The following COL21A1 variants were observed in gnomAD, a reference collection of about 807,000 sequenced individuals.
COL21A1 encodes the protein collagen type XXI alpha 1 chain.
Under a neutral mutation model 137.9 loss-of-function variants are expected in COL21A1, and 149 were observed. The ratio of observed to expected loss-of-function variants is 1.08; its 90% CI spans 0.95 to 1.24. The LOEUF is 1.24. COL21A1 is among the 50% of genes most tolerant of loss of function. The pLI is 0.00. For synonymous variants in COL21A1, 456 were observed against 391.5 expected, an observed-to-expected ratio of 1.16 and a Z score of -1.95; for missense variants, 1,167 against 1,158.4, an observed-to-expected ratio of 1.01 and a Z score of -0.11.
intron 12 of COL21A1, among the ~76,000 whole-genome samples, chr6:56,127,863 ATT>A (rs1773174774): frequency 6.6e-6 from 1 of 152,154 alleles, no homozygotes; most frequent in Non-Finnish European, 1.5e-5. Context: ...GTATTATGCT[ATT>A]ATACACTGGT....
chr6:56,098,688 A>T (rs183386431), intron 17 of COL21A1, among the ~76,000 whole-genome samples: 8 of 38,000 alleles, frequency 2.1e-4, no homozygotes, highest in South Asian at 6.1e-4. Context: ...AATATATATA[A>T]ATATATAAAT....
chr6:56,212,311 T>C (rs1582654357), intron 1 of COL21A1, among the ~76,000 whole-genome samples: 1 of 152,142 alleles, frequency 6.6e-6, no homozygotes, highest in East Asian at 1.9e-4. Context: ...TGATACATAT[T>C]ATTTAATGTT....
intron 1 of COL21A1, among the ~76,000 whole-genome samples, chr6:56,308,958 C>T (rs1291765014): frequency 6.6e-6 from 1 of 152,036 alleles, no homozygotes; most frequent in Admixed American, 6.5e-5. Context: ...CTATCATAGT[C>T]AGGATGGAGG....
chr6:56,176,916 G>A (rs534003761), intron 3 of COL21A1, among the ~76,000 whole-genome samples: 2 of 137,100 alleles, frequency 1.5e-5, no homozygotes, highest in South Asian at 5.3e-4. Flanking sequence ...GGGAGGAAGG[G>A]GGAGGAAGGG....
chr6:56,179,778 G>A lies in COL21A1; in HGVS notation c.440C>T (p.Ser147Phe), dbSNP rs1777758373. The change falls in exon 3 of 30, where the codon TCC becomes TTC. Residue 147 changes from serine to phenylalanine, a missense_variant. Ser to Phe is a radical substitution (Grantham distance 155). Transcript: ENST00000244728. ...KIAVVLTDGK[S>F]QDDVKDAAQA... ...AGCTGCATCCTTGACGTCATCTTGG[G>A]ATTTGCCATCCGTAAGTACCACTGC... The A allele has an allele frequency of 6.2e-7, 1 of 1,613,710 alleles. No individual in the cohort carries two copies. The highest frequency in any genetic ancestry group is 1.1e-5 in the South Asian group (1 of 91,064).
In COL21A1 at chr6:56,376,112, A is replaced by C. The variant is rs554355803; in HGVS notation, c.-39+17859T>G. 2.6e-5 allele frequency among the ~76,000 whole-genome samples: 4 copies of C among 152,356 alleles called. No individual in the cohort carries two copies. The South Asian group carries it at 8.3e-4, about 32-fold the overall frequency. On this transcript the variant is annotated intron_variant, in intron 1 of 28. Transcript: ENST00000370819. ...CAAGGAGTGCTCAAGAAGTGGGATA[A>C]AACAAGTAGAGTGATGTCACCCAAG...
At chr6:56,156,827 C>CT (rs1475758928) in intron 10 of COL21A1, 60 bp downstream of exon 10, 3 of 1,392,132 alleles carry the variant, frequency 2.2e-6, no homozygotes, top group Non-Finnish European at 3.0e-6. Flanking sequence ...CTCAGCAAAA[C>CT]TTTTACTTTG....
chr6:56,062,100 T>G (rs973689465), intron 24 of COL21A1, among the ~76,000 whole-genome samples: 1 of 152,150 alleles, frequency 6.6e-6, no homozygotes, highest in African/African-American at 2.4e-5. Context: ...TTCTTAAAAT[T>G]AAATTTTGAT....
At chr6:56,340,387 A>C (rs2152345080) in intron 1 of COL21A1, among the ~76,000 whole-genome samples, 1 of 122,264 alleles carries the variant, frequency 8.2e-6, no homozygotes, top group South Asian at 3.5e-4. Context: ...CAAGGCACAC[A>C]GGGAGGAGGA....
intron 17 of COL21A1, among the ~76,000 whole-genome samples, chr6:56,082,500 A>G (rs1190215457): frequency 6.6e-6 from 1 of 151,934 alleles, no homozygotes; most frequent in Non-Finnish European, 1.5e-5. Context: ...TTTTGTTACT[A>G]CATAACTCAA....
chr6:56,110,823 A>T (rs1238967996), intron 16 of COL21A1, among the ~76,000 whole-genome samples: 1 of 152,140 alleles, frequency 6.6e-6, no homozygotes, highest in Non-Finnish European at 1.5e-5. Flanking sequence ...AAATAAAGAA[A>T]ACTCACATAA....
intron 20 of COL21A1, among the ~76,000 whole-genome samples, chr6:56,071,985 C>G (rs185625443): frequency 1.3e-5 from 2 of 151,508 alleles, no homozygotes; most frequent in Non-Finnish European, 3.0e-5. Context: ...CCCTCCCCTA[C>G]TAACAGGCCC....
chr6:56,155,296 C>T (rs1775656699), intron 10 of COL21A1, among the ~76,000 whole-genome samples: 1 of 152,172 alleles, frequency 6.6e-6, no homozygotes, highest in Admixed American at 6.5e-5. Context: ...TAAAAAGCCT[C>T]AGCACATTAC....
At chr6:56,340,856 G>A (rs920381944) in intron 1 of COL21A1, among the ~76,000 whole-genome samples, 4 of 152,136 alleles carry the variant, frequency 2.6e-5, no homozygotes, top group African/African-American at 7.2e-5. Context: ...TTAGCTCATG[G>A]AGCAAGTAAT....
chr6:56,101,392 G>A (rs971597580), intron 17 of COL21A1, 80 bp downstream of exon 17: 34 of 1,079,402 alleles, frequency 3.1e-5, no homozygotes, highest in Non-Finnish European at 4.4e-5. Context: ...GCATCTGAGA[G>A]AAGAATTTAA....
intron 1 of COL21A1, among the ~76,000 whole-genome samples, chr6:56,211,178 CATATATATGTATATATGTAT>C (rs1263703422): frequency 8.5e-5 from 1 of 11,820 alleles, no homozygotes; most frequent in African/African-American, 6.8e-4. Context: ...TGTATATATA[CATATATATGTATATATGTAT>C]ATATACATAT....
intron 16 of COL21A1, among the ~76,000 whole-genome samples, chr6:56,107,868 AAGAT>A: frequency 6.6e-6 from 1 of 152,274 alleles, no homozygotes; most frequent in South Asian, 2.1e-4. Context: ...ATCTGAAACA[AAGAT>A]AAAGTGTAAA....
intron 14 of COL21A1, among the ~76,000 whole-genome samples, chr6:56,124,664 C>T (rs1336874430): frequency 2.1e-5 from 3 of 145,190 alleles, no homozygotes; most frequent in Non-Finnish European, 4.6e-5. Context: ...GTTTTTGAGA[C>T]GGAGTCTCAC....
chr6:56,120,707 T>C (rs919472774), intron 16 of COL21A1, among the ~76,000 whole-genome samples: 2 of 151,670 alleles, frequency 1.3e-5, no homozygotes, highest in Non-Finnish European at 2.9e-5. Context: ...GGCAGGAGAA[T>C]TGCTTGAACC....
Sources: allele counts gnomAD v4.1 joint callset (sites outside exome capture counted in the v4.1 genomes callset), GRCh38; gene constraint gnomAD v4.1.1; transcripts MANE v1.5; gene names NCBI Gene and HGNC (gene_info 2026-07-23, HGNC 2026-07-21).